PTPRG: variants seen among roughly 807,000 people sequenced by gnomAD.
The protein encoded by PTPRG is receptor-type tyrosine-protein phosphatase gamma.
Under a neutral mutation model 165.3 loss-of-function variants are expected in PTPRG, and 102 were observed. The observed-to-expected ratio is 0.62, with a 90% CI of 0.53 to 0.73. The LOEUF is 0.73. PTPRG is among the 30% of genes least tolerant of loss of function. The probability of loss-of-function intolerance (pLI) is 0.00; values close to 1 mark genes in which losing one functional copy is unlikely to be tolerated. For missense variants in PTPRG, 1,866 were observed against 1,861.4 expected (o/e 1.00, Z -0.05); for synonymous variants, 675 against 669.5 (o/e 1.01, Z -0.13).
intron 1 of PTPRG, among the ~76,000 whole-genome samples, chr3:61,565,952 C>T (rs1699903073): frequency 6.6e-6 from 1 of 151,938 alleles, no homozygotes; most frequent in South Asian, 2.1e-4. Flanking sequence ...TTTTTTCCCT[C>T]TCCCTCATGT....
At chr3:61,659,888 G>A (rs1475369817) in intron 1 of PTPRG, among the ~76,000 whole-genome samples, 1 of 152,126 alleles carries the variant, frequency 6.6e-6, no homozygotes, top group Non-Finnish European at 1.5e-5. Flanking sequence ...GAGTTTTTCA[G>A]GGGGAATGTG....
At chr3:62,249,202 G>A (rs1220709198) in intron 15 of PTPRG, among the ~76,000 whole-genome samples, 1 of 152,162 alleles carries the variant, frequency 6.6e-6, no homozygotes, top group Non-Finnish European at 1.5e-5. Context: ...TCTTGATAAT[G>A]TCCTTTTGTT....
intron 2 of PTPRG, among the ~76,000 whole-genome samples, chr3:61,867,793 A>T (rs1216338644): frequency 6.6e-6 from 1 of 152,196 alleles, no homozygotes; most frequent in African/African-American, 2.4e-5. Context: ...TCCCTTACGG[A>T]ACTCAAAATT....
chr3:61,905,019 C>T (rs1286279827), intron 2 of PTPRG, among the ~76,000 whole-genome samples: 4 of 151,318 alleles, frequency 2.6e-5, no homozygotes, highest in Non-Finnish European at 5.9e-5. Context: ...GGCTTTTTTT[C>T]CCCCAGTCCC....
intron 4 of PTPRG, among the ~76,000 whole-genome samples, chr3:62,032,331 A>C (rs986193872): frequency 2.0e-5 from 3 of 152,232 alleles, no homozygotes; most frequent in Admixed American, 2.0e-4. Context: ...AAAGCTCTTT[A>C]GTGACCTTTC....
rs778426588 is a variant in PTPRG at position 62,243,853 on chromosome 3, C to T, written c.2422C>T (p.Pro808Ser). ...AHFYVEDSSS[P>S]RVVPNESIPI... ...TTTCTATGTGGAAGACAGCAGTTCA[C>T]CTCGAGTGGTCCCTAATGAAAGTAT... Residue 808 changes from proline (P) to serine (S), a missense_variant, in exon 15 of 30, where the codon CCT (proline) becomes TCT (serine). By Grantham distance (74) the Pro-to-Ser change is moderately conservative. Transcript: ENST00000474889. 13 of 1,596,180 alleles carry T rather than the reference C, an allele frequency of 8.1e-6. No homozygotes were observed. In the East Asian group the frequency reaches 2.0e-4, roughly 25 times the overall value.
intron 1 of PTPRG, among the ~76,000 whole-genome samples, chr3:61,578,482 G>C (rs947072670): frequency 5.3e-5 from 8 of 152,298 alleles, no homozygotes; most frequent in African/African-American, 1.9e-4. Context: ...GGATTGGGTG[G>C]TGGTCTCTGC....
At chr3:62,291,328 G>T (rs1702891024) in intron 28 of PTPRG, among the ~76,000 whole-genome samples, 1 of 152,130 alleles carries the variant, frequency 6.6e-6, no homozygotes, top group African/African-American at 2.4e-5. Context: ...AGGCATACCT[G>T]TGACCCTAGC....
chr3:61,852,875 C>T (rs2037003119), intron 2 of PTPRG, among the ~76,000 whole-genome samples: 1 of 152,182 alleles, frequency 6.6e-6, no homozygotes, highest in Non-Finnish European at 1.5e-5. Context: ...GACATACATG[C>T]ATGGACTTGC....
chr3:61,917,990 A>T (rs890715965), intron 2 of PTPRG, among the ~76,000 whole-genome samples: 1 of 152,166 alleles, frequency 6.6e-6, no homozygotes, highest in African/African-American at 2.4e-5. Context: ...CCAAGCAGGC[A>T]TTGATAAAGG....
intron 7 of PTPRG, among the ~76,000 whole-genome samples, chr3:62,163,236 C>G (rs1704837667): frequency 6.6e-6 from 1 of 151,910 alleles, no homozygotes; most frequent in South Asian, 2.1e-4. Flanking sequence ...CAGATCCAAA[C>G]TATATCAGTG....
chr3:61,586,082 G>A (rs1700427141), intron 1 of PTPRG, among the ~76,000 whole-genome samples: 1 of 152,150 alleles, frequency 6.6e-6, no homozygotes, highest in Non-Finnish European at 1.5e-5. Flanking sequence ...TTTGTTTTCT[G>A]CTTTTTCTTT....
intron 1 of PTPRG, chr3:61,659,532 CA>C: frequency 2.3e-6 from 2 of 863,832 alleles, no homozygotes; most frequent in Non-Finnish European, 2.8e-6. Context: ...GTTCATTTCC[CA>C]AAAAATCTTA....
In PTPRG at chr3:62,037,602, T is replaced by A. The variant is rs541747684; in HGVS notation, c.519+34105T>A. ...ACTCTTGTGTGCCAAAATCCAACTCTTCATCAATAGTCAAATTTCAAATCC... is the reference window on the plus strand; with the variant it reads ...ACTCTTGTGTGCCAAAATCCAACTCATCATCAATAGTCAAATTTCAAATCC... On this transcript the variant is annotated intron_variant, in intron 4 of 29. Coordinates refer to ENST00000474889, the MANE Select transcript of PTPRG (RefSeq NM_002841.4). Among the ~76,000 whole-genome samples, 3 of 152,316 alleles carry A rather than the reference T, an allele frequency of 2.0e-5. No individual in the cohort carries two copies. The South Asian group carries it at 6.2e-4, about 32-fold the overall frequency.
intron 5 of PTPRG, among the ~76,000 whole-genome samples, chr3:62,081,453 C>T (rs1016509108): frequency 2.0e-5 from 3 of 152,102 alleles, no homozygotes; most frequent in African/African-American, 7.2e-5. Flanking sequence ...AGGGGATCCT[C>T]CTGCAACAGC....
chr3:61,967,746 C>T (rs1186339299), intron 2 of PTPRG, among the ~76,000 whole-genome samples: 1 of 152,112 alleles, frequency 6.6e-6, no homozygotes, highest in Non-Finnish European at 1.5e-5. Flanking sequence ...GTTAAGACAG[C>T]TGTGTCTATC....
At chr3:62,239,704 A>G (rs914470362) in intron 14 of PTPRG, among the ~76,000 whole-genome samples, 4 of 152,124 alleles carry the variant, frequency 2.6e-5, no homozygotes, top group Non-Finnish European at 5.9e-5. Context: ...GCTCAAAATT[A>G]GAGACAATAC....
chr3:62,196,024 G>T (rs1309415933), intron 10 of PTPRG, among the ~76,000 whole-genome samples: 1 of 151,860 alleles, frequency 6.6e-6, no homozygotes, highest in Non-Finnish European at 1.5e-5. Flanking sequence ...TCCTGACTTC[G>T]TGATCTGCCT....
At chr3:61,802,821 G>A (rs2035288978) in intron 2 of PTPRG, among the ~76,000 whole-genome samples, 2 of 152,004 alleles carry the variant, frequency 1.3e-5, no homozygotes, top group Non-Finnish European at 2.9e-5. Flanking sequence ...GGACTGTGAG[G>A]ACCTGGAATA....
Sources: gnomAD v4.1 joint callset for allele counts (sites outside exome capture counted in the v4.1 genomes callset) on GRCh38, gnomAD v4.1.1 for gene constraint, MANE v1.5 for transcripts, NCBI Gene and HGNC (gene_info 2026-07-23, HGNC 2026-07-21) for gene names.